LPCAT1: variants seen among roughly 807,000 people sequenced by gnomAD.
LPCAT1 encodes the protein 1-acylglycerol-3-phosphate O-acyltransferase.
A neutral mutation model predicts 60.9 loss-of-function variants in LPCAT1; 23 were observed. The observed-to-expected ratio is 0.38, with a 90% CI of 0.27 to 0.53. The LOEUF is 0.53. LPCAT1 is among the 20% of genes least tolerant of loss of function. LPCAT1 has a pLI of 0.82. For missense variants in LPCAT1, 622 were observed against 723.6 expected (o/e 0.86, Z 1.61); for synonymous variants, 340 against 301.1 (o/e 1.13, Z -1.34).
chr5:1,462,039 A>G lies in LPCAT1; in HGVS notation c.*1612T>C, dbSNP rs2126446188. 6.6e-6 allele frequency: 1 copy of G among 152,572 alleles called. No homozygotes were observed. The highest frequency in any genetic ancestry group is 1.9e-4 in the East Asian group (1 of 5,186). The allele number at this position is 152,572 out of a possible 1,614,324, so 9.5% of individuals were successfully genotyped here. A position where few individuals can be genotyped will look rare whatever the true frequency, so the allele number is the denominator to read the frequency against. On this transcript the variant is annotated 3_prime_UTR_variant, in exon 14 of 14. Coordinates refer to ENST00000283415, the MANE Select transcript of LPCAT1 (RefSeq NM_024830.5). ...CTGGCAGTGTCCATGCTAAAAAACA[A>G]GTCGAGGTGATTGATTGAAACGGAG...
At chr5:1,491,625 A>G (rs1268403221) in intron 3 of LPCAT1, among the ~76,000 whole-genome samples, 1 of 152,118 alleles carries the variant, frequency 6.6e-6, no homozygotes, top group Non-Finnish European at 1.5e-5. Context: ...CCTCCCCGGG[A>G]GCCCTGAGGA....
chr5:1,462,180 A>G lies in LPCAT1; in HGVS notation c.*1471T>C, dbSNP rs1243871928. ...GCCTTGGTGGTCACTTTCTATAGAGATGCCCCAAATATAAAAATCAATTCA... is the reference window on the plus strand; with the variant it reads ...GCCTTGGTGGTCACTTTCTATAGAGGTGCCCCAAATATAAAAATCAATTCA... On this transcript the variant is annotated 3_prime_UTR_variant, in exon 14 of 14. Transcript: ENST00000283415. 1 of 152,586 alleles carries G rather than the reference A, an allele frequency of 6.6e-6. No homozygotes were observed. The highest frequency in any genetic ancestry group is 1.5e-5 in the Non-Finnish European group (1 of 68,040). 9.5% of individuals were successfully genotyped at this position (152,586 alleles called of 1,614,324 possible). A position where few individuals can be genotyped will look rare whatever the true frequency, so the allele number is the denominator to read the frequency against.
At chr5:1,517,590 C>T (rs1579818405) in intron 1 of LPCAT1, among the ~76,000 whole-genome samples, 2 of 152,118 alleles carry the variant, frequency 1.3e-5, no homozygotes, top group African/African-American at 4.8e-5. Context: ...GTCCCGTGCC[C>T]GGCTCCTGAA....
At chr5:1,506,492 C>T (rs1236429454) in intron 1 of LPCAT1, among the ~76,000 whole-genome samples, 2 of 152,252 alleles carry the variant, frequency 1.3e-5, no homozygotes, top group African/African-American at 4.8e-5. Context: ...CCCTCCATTC[C>T]TCATGCCCCC....
At chr5:1,494,198 A>G (rs1735693046) in intron 3 of LPCAT1, among the ~76,000 whole-genome samples, 1 of 152,218 alleles carries the variant, frequency 6.6e-6, no homozygotes, top group Admixed American at 6.5e-5. Context: ...ACCTGCTCCC[A>G]AAGACTTCCA....
At chr5:1,467,594 T>A (rs1321560923) in intron 12 of LPCAT1, among the ~76,000 whole-genome samples, 1 of 152,004 alleles carries the variant, frequency 6.6e-6, no homozygotes, top group Non-Finnish European at 1.5e-5. Flanking sequence ...CTCCACAGAC[T>A]CTGTGCCCTG....
intron 12 of LPCAT1, among the ~76,000 whole-genome samples, chr5:1,467,766 C>T (rs1448088329): frequency 6.6e-6 from 1 of 152,162 alleles, no homozygotes. Flanking sequence ...GAGGTCCCGA[C>T]GCCGCCCGTG....
intron 13 of LPCAT1, 67 bp downstream of exon 13, chr5:1,466,682 C>T (rs1471684640): frequency 1.3e-6 from 2 of 1,504,096 alleles, no homozygotes; most frequent in East Asian, 2.5e-5. Context: ...CCCACGGAGA[C>T]TCGCCCCACA....
At chr5:1,475,728 C>G (rs1734879355) in intron 9 of LPCAT1, among the ~76,000 whole-genome samples, 1 of 152,180 alleles carries the variant, frequency 6.6e-6, no homozygotes, top group Non-Finnish European at 1.5e-5. Flanking sequence ...TGATCAACTC[C>G]ACTCCCCGAG....
At chr5:1,518,133 C>T (rs1736562010) in intron 1 of LPCAT1, among the ~76,000 whole-genome samples, 2 of 152,258 alleles carry the variant, frequency 1.3e-5, no homozygotes, top group African/African-American at 4.8e-5. Context: ...ACTCCTGACC[C>T]TGGGTCCCAC....
intron 3 of LPCAT1, among the ~76,000 whole-genome samples, chr5:1,490,149 A>G (rs1735520424): frequency 6.6e-6 from 1 of 152,250 alleles, no homozygotes; most frequent in African/African-American, 2.4e-5. Context: ...TCAATGAAAG[A>G]CAACCGCCAG....
At chr5:1,509,155 G>A (rs2126607305) in intron 1 of LPCAT1, among the ~76,000 whole-genome samples, 1 of 152,382 alleles carries the variant, frequency 6.6e-6, no homozygotes, top group East Asian at 1.9e-4. Flanking sequence ...CCCAAAGGAT[G>A]GCGCCCGGAG....
intron 1 of LPCAT1, among the ~76,000 whole-genome samples, chr5:1,508,232 C>T (rs925595526): frequency 1.8e-4 from 28 of 152,220 alleles, no homozygotes; most frequent in African/African-American, 6.5e-4. Context: ...GGCCACACAC[C>T]GTCATTCTCC....
At chr5:1,493,154 G>A (rs1370507991) in intron 3 of LPCAT1, among the ~76,000 whole-genome samples, 1 of 152,226 alleles carries the variant, frequency 6.6e-6, no homozygotes, top group African/African-American at 2.4e-5. Flanking sequence ...GCCTCCTCCA[G>A]GCTTCCCCAG....
Position 1,523,745 on chromosome 5 carries a change from G to A in LPCAT1, c.100C>T (p.His34Tyr). 8.5e-7 allele frequency: 1 copy of A among 1,176,414 alleles called. No homozygotes were observed. Among genetic ancestry groups the A allele is most frequent in the Non-Finnish European group, 1.1e-6 (1 of 945,104 alleles). 72.9% of individuals were successfully genotyped at this position (1,176,414 alleles called of 1,614,324 possible). A position where few individuals can be genotyped will look rare whatever the true frequency, so the allele number is the denominator to read the frequency against. Reference protein sequence around the residue: ...LAPPGRNPFVHELRLSALQKA... With the variant: ...LAPPGRNPFVYELRLSALQKA... ...TGCAGGGCGCTGAGGCGCAGCTCGT[G>A]CACGAAGGGGTTCCGCCCCGGGGGC... Residue 34 changes from histidine to tyrosine, a missense_variant, in exon 1 of 14, where the codon CAC becomes TAC. Physicochemically the swap from His to Tyr is moderately conservative, Grantham distance 83. This residue lies in a region of LPCAT1 where 125 missense variants were observed against 114.5 expected (regional missense o/e 1.09). Transcript: ENST00000283415. The surrounding 1 kb of genome is among the most constrained non-coding windows in gnomAD (Gnocchi z 7.1).
In LPCAT1 at chr5:1,495,877, G is replaced by A. The variant is rs1436059771; in HGVS notation, c.279-963C>T. On this transcript the variant is annotated intron_variant, in intron 2 of 13. Transcript: ENST00000283415. This position sits in a 1 kb window ranked among gnomAD's most constrained non-coding sequence, Gnocchi z 4.7. ...GGTCCCCATGGATCTGAGCCAAGGC[G>A]GTTGCTAGGAGGGCACAAAGCCTCC... Among the ~76,000 whole-genome samples, 8 of 152,178 alleles carry A rather than the reference G, an allele frequency of 5.3e-5. No individual in the cohort carries two copies. The highest frequency in any genetic ancestry group is 7.4e-5 in the Non-Finnish European group (5 of 68,008).
At chr5:1,488,306 T>G in intron 5 of LPCAT1, 85 bp downstream of exon 5, 1 of 827,946 alleles carries the variant, frequency 1.2e-6, no homozygotes, top group Non-Finnish European at 1.9e-6. Flanking sequence ...ACTGTTCTTA[T>G]GTGCACAGCA....
intron 1 of LPCAT1, among the ~76,000 whole-genome samples, chr5:1,515,723 G>A (rs1194011264): frequency 2.0e-5 from 3 of 151,578 alleles, no homozygotes; most frequent in African/African-American, 4.8e-5. Context: ...TCCACACTAC[G>A]GGCAAATACA....
intron 1 of LPCAT1, among the ~76,000 whole-genome samples, chr5:1,517,211 G>A (rs1736530922): frequency 6.6e-6 from 1 of 152,138 alleles, no homozygotes; most frequent in African/African-American, 2.4e-5. Context: ...AGGACTTGGA[G>A]GGGACGGTCG....
Sources: allele counts gnomAD v4.1 joint callset (sites outside exome capture counted in the v4.1 genomes callset), GRCh38; gene constraint gnomAD v4.1.1; regional missense constraint gnomAD v4.1.1; non-coding constraint Gnocchi (gnomAD v3.1); transcripts MANE v1.5; gene names NCBI Gene and HGNC (gene_info 2026-07-23, HGNC 2026-07-21).